Variants in PSMG2 observed in about 807,000 individuals in gnomAD.
PSMG2 encodes CD40 ligand-activated specific transcript 3.
A neutral mutation model predicts 31.5 loss-of-function variants in PSMG2; 21 were observed. That is an observed-to-expected ratio of 0.67 (90% confidence interval 0.47 to 0.96). PSMG2 has a LOEUF of 0.96. Ranked by LOEUF, PSMG2 falls within the 40% of genes least tolerant of loss-of-function variation. The probability of loss-of-function intolerance (pLI) is 0.00; values close to 1 mark genes in which losing one functional copy is unlikely to be tolerated. For synonymous variants in PSMG2, 120 were observed against 110.4 expected (o/e 1.09, Z -0.54); for missense variants, 318 against 321.2 (o/e 0.99, Z 0.08).
intron 1 of PSMG2, among the ~76,000 whole-genome samples, chr18:12,667,390 A>C (rs2038824094): frequency 6.6e-6 from 1 of 151,558 alleles, no homozygotes; most frequent in African/African-American, 2.4e-5. Context: ...CCAGGTGTTC[A>C]AGGCTGCAGT....
intron 1 of PSMG2, among the ~76,000 whole-genome samples, chr18:12,687,297 C>T (rs767445779): frequency 5.3e-5 from 8 of 152,166 alleles, no homozygotes; most frequent in Middle Eastern, 3.4e-3. Context: ...ACAACCAGAA[C>T]ATCTTTTTCC....
At chr18:12,671,147 A>G (rs1216949479) in intron 1 of PSMG2, 1 of 150,330 alleles carries the variant, frequency 6.7e-6, no homozygotes, top group Admixed American at 6.6e-5. Flanking sequence ...GGGTCTCTCT[A>G]TGCTCCCAGG....
chr18:12,681,149 A>G (rs924253014), intron 1 of PSMG2, among the ~76,000 whole-genome samples: 8 of 151,656 alleles, frequency 5.3e-5, no homozygotes, highest in Non-Finnish European at 1.0e-4. Flanking sequence ...AGTGAGCTAC[A>G]ATCGCGCCAC....
chr18:12,691,359 C>T, intron 1 of PSMG2: 1 of 1,563,338 alleles, frequency 6.4e-7, no homozygotes, highest in Non-Finnish European at 8.7e-7. Flanking sequence ...ATTTACAAAC[C>T]TGTGCAAAAA....
chr18:12,688,493 G>A (rs1318250643), intron 1 of PSMG2, among the ~76,000 whole-genome samples: 2 of 152,108 alleles, frequency 1.3e-5, no homozygotes, highest in Non-Finnish European at 2.9e-5. Context: ...AAGAAAAGAT[G>A]AGCACATAAG....
intron 3 of PSMG2, 63 bp downstream of exon 3, chr18:12,712,823 G>T: frequency 7.7e-7 from 1 of 1,295,590 alleles, no homozygotes; most frequent in South Asian, 1.3e-5. Context: ...AGTAACATTA[G>T]GGATTAAGAT....
intron 1 of PSMG2, among the ~76,000 whole-genome samples, chr18:12,688,244 A>C (rs1311497990): frequency 1.3e-5 from 2 of 151,904 alleles, no homozygotes; most frequent in African/African-American, 4.8e-5. Flanking sequence ...AAAAAAAAAA[A>C]AAACAAAACC....
intron 2 of PSMG2, among the ~76,000 whole-genome samples, chr18:12,708,809 G>A (rs1482823203): frequency 2.7e-4 from 36 of 132,632 alleles, no homozygotes; most frequent in Admixed American, 1.7e-3. Flanking sequence ...GGGTTCAAGC[G>A]ATTCTCCTGC....
chr18:12,670,156 C>G (rs1057179594), intron 1 of PSMG2, among the ~76,000 whole-genome samples: 4 of 151,508 alleles, frequency 2.6e-5, no homozygotes, highest in African/African-American at 9.7e-5. Context: ...AAGGTGAAAC[C>G]CCTCTCTAAT....
intron 1 of PSMG2, among the ~76,000 whole-genome samples, chr18:12,705,576 A>AGAGAGAGAGTGT (rs1465866538): frequency 3.9e-5 from 5 of 129,774 alleles, no homozygotes; most frequent in African/African-American, 1.5e-4. Flanking sequence ...AGAGAGAGAG[A>AGAGAGAGAGTGT]GTGTGTGTGT....
intron 4 of PSMG2, 38 bp from the exon 5 acceptor site, chr18:12,720,472 T>C: frequency 6.7e-7 from 1 of 1,484,866 alleles, no homozygotes; most frequent in Non-Finnish European, 9.1e-7. Context: ...ATGTTTGCTT[T>C]AGAGTTTTTA....
At chr18:12,721,507 T>G (rs1301315757) in intron 5 of PSMG2, among the ~76,000 whole-genome samples, 1 of 152,232 alleles carries the variant, frequency 6.6e-6, no homozygotes, top group Non-Finnish European at 1.5e-5. Context: ...GTCGTCATAC[T>G]AAATTAAAAA....
upstream of PSMG2, chr18:12,702,429 A>T: frequency 1.6e-5 from 21 of 1,340,260 alleles, no homozygotes; most frequent in Non-Finnish European, 2.1e-5. Context: ...GCCGCCGGGC[A>T]GGAGGGAAAG....
At chr18:12,720,208 A>C (rs1260463963) in intron 4 of PSMG2, among the ~76,000 whole-genome samples, 1 of 152,206 alleles carries the variant, frequency 6.6e-6, no homozygotes, top group East Asian at 1.9e-4. Context: ...ACAAGCCAAG[A>C]GTTACCTTTC....
At chr18:12,679,535 C>T (rs762237612) in intron 1 of PSMG2, among the ~76,000 whole-genome samples, 3 of 152,068 alleles carry the variant, frequency 2.0e-5, no homozygotes, top group African/African-American at 4.8e-5. Context: ...AAATTGCCTG[C>T]GAGCCTAATT....
intron 1 of PSMG2, among the ~76,000 whole-genome samples, chr18:12,690,437 C>A (rs528777925): frequency 6.6e-6 from 1 of 151,854 alleles, no homozygotes; most frequent in Non-Finnish European, 1.5e-5. Flanking sequence ...ACAAAAAATA[C>A]GTGAACCTGA....
intron 1 of PSMG2, chr18:12,661,983 T>C: frequency 3.9e-6 from 1 of 255,782 alleles, no homozygotes; most frequent in African/African-American, 2.2e-5. Context: ...TTTGTTACTT[T>C]ATTAAAAATT....
At chr18:12,725,273 C>G (rs2040465710) in intron 6 of PSMG2, among the ~76,000 whole-genome samples, 166 bp from the exon 7 acceptor site, 1 of 152,084 alleles carries the variant, frequency 6.6e-6, no homozygotes, top group Admixed American at 6.5e-5. Context: ...AGAAATTTAT[C>G]TTCAGTTGAC....
chr18:12,678,866 G>T (rs2039241806), intron 1 of PSMG2, among the ~76,000 whole-genome samples: 1 of 152,044 alleles, frequency 6.6e-6, no homozygotes, highest in African/African-American at 2.4e-5. Context: ...TAAGCCAGGA[G>T]AATTGCTTGA....
Sources: gnomAD v4.1 joint callset for allele counts (sites outside exome capture counted in the v4.1 genomes callset) on GRCh38, gnomAD v4.1.1 for gene constraint, MANE v1.5 for transcripts, NCBI Gene and HGNC (gene_info 2026-07-23, HGNC 2026-07-21) for gene names.